Variants in IPO5 observed in about 807,000 individuals in gnomAD.
IPO5 encodes importin 5.
Under a neutral mutation model 143.3 loss-of-function variants are expected in IPO5, and 18 were observed. That is an observed-to-expected ratio of 0.13 (90% confidence interval 0.09 to 0.19). The LOEUF is 0.19. Among genes scored for constraint, IPO5 ranks in the 10% least tolerant of loss-of-function variants. IPO5 has a pLI of 1.00. For missense variants in IPO5, 1,013 were observed against 1,336.9 expected (o/e 0.76, Z 3.78); for synonymous variants, 477 against 465.7 (o/e 1.02, Z -0.31).
intron 20 of IPO5, among the ~76,000 whole-genome samples, chr13:98,010,798 T>TTTTTTTTTTTTTTTA (rs1555311050): frequency 7.0e-6 from 1 of 143,662 alleles, no homozygotes; most frequent in Non-Finnish European, 1.5e-5. Context: ...TTTTTTTTTT[T>TTTTTTTTTTTTTTTA]GAGGTGGAGT....
intron 2 of IPO5, among the ~76,000 whole-genome samples, chr13:97,969,338 C>A (rs990952083): frequency 1.3e-5 from 2 of 151,310 alleles, no homozygotes; most frequent in African/African-American, 4.9e-5. Context: ...CCCACCACCA[C>A]GCCCAGCTAA....
chr13:98,003,167 C>A, intron 16 of IPO5, 130 bp downstream of exon 16: 1 of 731,004 alleles, frequency 1.4e-6, no homozygotes, highest in Non-Finnish European at 2.3e-6. Context: ...ACTGAGGAGG[C>A]TATTCGGAGT....
chr13:97,981,314 CAG>C (rs1285280509), intron 4 of IPO5: 1 of 451,892 alleles, frequency 2.2e-6, no homozygotes. Context: ...TGAAGTGAAA[CAG>C]AGCTTTCAGT....
At chr13:97,996,745 G>A (rs1888325299) in intron 11 of IPO5, among the ~76,000 whole-genome samples, 1 of 152,110 alleles carries the variant, frequency 6.6e-6, no homozygotes, top group Non-Finnish European at 1.5e-5. Flanking sequence ...TAGGACTACA[G>A]GTGCTCGCCA....
At chr13:98,008,478 T>A (rs1389581134) in intron 18 of IPO5, among the ~76,000 whole-genome samples, 4 of 152,176 alleles carry the variant, frequency 2.6e-5, no homozygotes, top group African/African-American at 9.7e-5. Flanking sequence ...GAATTGAAGA[T>A]TCATTTATCC....
At position 98,016,607 on chromosome 13, in the gene IPO5, C is replaced by G. The variant is rs1890135883; in HGVS notation, c.2494-122C>G. On this transcript the variant is annotated intron_variant, in intron 24 of 28. Transcript: ENST00000651721. Reference sequence around the variant, plus strand: ...TCCGGTCTCTAGACTCTTGATTTACCCTTAAAACAGGAATGAGAAATTGAT... The same window carrying G: ...TCCGGTCTCTAGACTCTTGATTTACGCTTAAAACAGGAATGAGAAATTGAT... The G allele has an allele frequency of 9.5e-6, 5 of 528,856 alleles. No individual in the cohort carries two copies. In the South Asian group the frequency reaches 2.0e-4, roughly 21 times the overall value. 32.8% of individuals were successfully genotyped at this position (528,856 alleles called of 1,614,324 possible). A position where few individuals can be genotyped will look rare whatever the true frequency, so the allele number is the denominator to read the frequency against.
intron 2 of IPO5, 72 bp from the exon 3 acceptor site, chr13:97,969,651 T>G (rs1885657457): frequency 2.8e-6 from 2 of 713,252 alleles, no homozygotes; most frequent in African/African-American, 1.8e-5. Context: ...AAATCAGATG[T>G]GATTTTTAAG....
Position 98,003,039 on chromosome 13 carries a change from T to A in IPO5, c.1497+2T>A. 1 of 1,601,708 alleles carries A rather than the reference T, an allele frequency of 6.2e-7. No homozygotes were observed. Among genetic ancestry groups the A allele is most frequent in the Non-Finnish European group, 8.5e-7 (1 of 1,174,326 alleles). On this transcript the variant is annotated splice_donor_variant, in intron 16 of 28. Coordinates refer to ENST00000651721, the MANE Select transcript of IPO5 (RefSeq NM_002271.6). LOFTEE classifies it high-confidence loss of function. ...ATTATGGTACTGAAGCTTCAAGAGGTAAGTTTTAAGATCTGTAGGCTGCTT... is the reference window on the plus strand; with the variant it reads ...ATTATGGTACTGAAGCTTCAAGAGGAAAGTTTTAAGATCTGTAGGCTGCTT...
chr13:97,988,993 A>C, intron 6 of IPO5, 69 bp from the exon 7 acceptor site: 1 of 807,150 alleles, frequency 1.2e-6, no homozygotes, highest in South Asian at 1.6e-5. Context: ...TATGAAATGA[A>C]AGGATTTACT....
rs1171988726 is a variant in IPO5, at chr13:98,002,721, G to T, written c.1271G>T (p.Gly424Val). 6.2e-7 allele frequency: 1 copy of T among 1,612,810 alleles called. No homozygotes were observed. The highest frequency in any genetic ancestry group is 1.7e-5 in the Admixed American group (1 of 59,708). ...RVRYAACNAV[G>V]QMATDFAPGF... ...AGGTATGCAGCCTGTAATGCCGTGGGACAGATGGCTACAGATTTTGCACCT... is the reference window on the plus strand; with the variant it reads ...AGGTATGCAGCCTGTAATGCCGTGGTACAGATGGCTACAGATTTTGCACCT... Residue 424 changes from glycine to valine, a missense_variant, in exon 15 of 29, where the codon GGA becomes GTA. Physicochemically the swap from Gly to Val is moderately radical, Grantham distance 109. Transcript: ENST00000651721.
chr13:97,976,432 A>C (rs1886317506), intron 3 of IPO5: 2 of 150,988 alleles, frequency 1.3e-5, no homozygotes, highest in African/African-American at 4.9e-5. Context: ...GCGGCCCCCG[A>C]GGAGGCGTCC....
At chr13:98,020,959 T>C (rs1328976447) in intron 27 of IPO5, 33 bp from the exon 28 acceptor site, 1 of 1,566,196 alleles carries the variant, frequency 6.4e-7, no homozygotes, top group Non-Finnish European at 8.7e-7. Context: ...CCTTATAAAT[T>C]TCACTTACTA....
rs200393726 is a variant in IPO5, at chr13:98,004,873, ATATTTTATTT to A, written c.1498-1241_1498-1232del. Among the ~76,000 whole-genome samples the A allele has an allele frequency of 4.6e-5, 7 of 151,828 alleles. No individual in the cohort carries two copies. The East Asian group carries it at 5.8e-4, about 13-fold the overall frequency. ...AACTGGCTCAGGTTCATATGAGTTA[ATATTTTATTT>A]TATTTTATTTTATTTATTTATTTAT... On this transcript the variant is annotated intron_variant, in intron 16 of 28. Coordinates refer to ENST00000651721, the MANE Select transcript of IPO5 (RefSeq NM_002271.6).
intron 6 of IPO5, 50 bp downstream of exon 6, chr13:97,985,663 CTTTTT>C (rs11366582): frequency 1.1e-6 from 1 of 931,330 alleles, no homozygotes; most frequent in Non-Finnish European, 1.6e-6. Context: ...TATATCCTTC[CTTTTT>C]TTTTTTTTTA....
chr13:97,991,736 AG>A (rs926511563), intron 9 of IPO5, among the ~76,000 whole-genome samples: 2 of 152,078 alleles, frequency 1.3e-5, no homozygotes, highest in African/African-American at 4.8e-5. Flanking sequence ...GTTACATTGG[AG>A]GGGGGGATAA....
chr13:97,969,314 TG>T (rs547495392), intron 2 of IPO5, among the ~76,000 whole-genome samples: 1 of 151,242 alleles, frequency 6.6e-6, no homozygotes, highest in African/African-American at 2.4e-5. Flanking sequence ...CCCGAGTAGC[TG>T]GGACTACAGG....
intron 27 of IPO5, 112 bp downstream of exon 27, chr13:98,019,921 A>G (rs1890366633): frequency 1.5e-6 from 1 of 678,446 alleles, no homozygotes; most frequent in Non-Finnish European, 2.6e-6. Flanking sequence ...CACAGTCCTC[A>G]GTTGTATAGG....
intron 13 of IPO5, 162 bp from the exon 14 acceptor site, chr13:98,002,305 G>A (rs570036682): frequency 2.0e-4 from 108 of 532,016 alleles, no homozygotes; most frequent in East Asian, 2.7e-4. Flanking sequence ...GCGAGCCACC[G>A]CGCCCGGCCT....
intron 17 of IPO5, among the ~76,000 whole-genome samples, chr13:98,007,147 G>A (rs1274825620): frequency 2.6e-5 from 4 of 151,946 alleles, no homozygotes; most frequent in African/African-American, 7.3e-5. Flanking sequence ...CGCCCAGCCC[G>A]TCTTTTCATT....
Sources: allele counts gnomAD v4.1 joint callset (sites outside exome capture counted in the v4.1 genomes callset), GRCh38; gene constraint gnomAD v4.1.1; transcripts MANE v1.5; gene names NCBI Gene and HGNC (gene_info 2026-07-23, HGNC 2026-07-21).